The following KIF5C variants were observed in gnomAD, a reference collection of about 807,000 sequenced individuals.
KIF5C encodes the protein kinesin family member 5C, also known as kinesin heavy chain isoform 5C.
KIF5C carries 18 observed loss-of-function variants against 125.2 expected under a neutral mutation model. The ratio of observed to expected loss-of-function variants is 0.14; its 90% CI spans 0.10 to 0.21. The LOEUF is 0.21. KIF5C is among the 10% of genes least tolerant of loss of function. The pLI, the probability that KIF5C is intolerant of heterozygous loss-of-function variation, is 1.00. For synonymous variants in KIF5C, 405 were observed against 434.0 expected, an observed-to-expected ratio of 0.93 and a Z score of 0.83; for missense variants, 780 against 1,183.8, an observed-to-expected ratio of 0.66 and a Z score of 5.01.
At chr2:148,981,763 G>A (rs1205079794) in intron 14 of KIF5C, among the ~76,000 whole-genome samples, 5 of 152,002 alleles carry the variant, frequency 3.3e-5, no homozygotes, top group Admixed American at 2.6e-4. Flanking sequence ...TGCATATCAT[G>A]ACTGTTTTAT....
chr2:148,916,547 G>T (rs1012355734), intron 1 of KIF5C, among the ~76,000 whole-genome samples: 1 of 152,082 alleles, frequency 6.6e-6, no homozygotes, highest in African/African-American at 2.4e-5. Context: ...CATTGTGAAT[G>T]ACCGTCACTT....
At chr2:148,929,431 G>T in intron 3 of KIF5C, 77 bp downstream of exon 3, 1 of 894,702 alleles carries the variant, frequency 1.1e-6, no homozygotes, top group Admixed American at 2.2e-5. Flanking sequence ...AACTTGAGGT[G>T]CATGTGGCTT....
At chr2:148,943,319 T>A (rs1411652578) in intron 7 of KIF5C, among the ~76,000 whole-genome samples, 1 of 152,198 alleles carries the variant, frequency 6.6e-6, no homozygotes, top group African/African-American at 2.4e-5. Context: ...GCTCTGCAGT[T>A]CCTTCCTCAG....
intron 3 of KIF5C, among the ~76,000 whole-genome samples, chr2:148,931,326 T>G (rs1338236343): frequency 2.0e-5 from 3 of 152,116 alleles, no homozygotes; most frequent in Non-Finnish European, 1.5e-5. Flanking sequence ...TGCTCCCCAG[T>G]GTAAAATCTT....
chr2:148,976,469 C>G (rs1321395536), intron 12 of KIF5C, among the ~76,000 whole-genome samples: 2 of 151,420 alleles, frequency 1.3e-5, no homozygotes, highest in Non-Finnish European at 2.9e-5. Flanking sequence ...GGGGCTTCAC[C>G]ATCTTGGCCA....
chr2:149,004,739 T>C (rs1279716324), intron 21 of KIF5C, among the ~76,000 whole-genome samples: 1 of 152,218 alleles, frequency 6.6e-6, no homozygotes, highest in Non-Finnish European at 1.5e-5. Context: ...AAGAACATTA[T>C]AAGGTTCATC....
At position 148,875,575 on chromosome 2, in the gene KIF5C, G is replaced by GCCCCCCCCCCCCCCCCCTGGCCC; in HGVS notation, c.-37_-36insCCCCCCCCCCCTGGCCCCCCCCC. On this transcript the variant is annotated 5_prime_UTR_variant, in exon 1 of 26. Coordinates refer to ENST00000435030, the MANE Select transcript of KIF5C (RefSeq NM_004522.3). ...TCCTCCCTCGTCGTTCCCGGCCCCG[G>GCCCCCCCCCCCCCCCCCTGGCCC]CCCCCCACCCATCCCCGTGCCCCCT... 8 of 699,604 alleles carry GCCCCCCCCCCCCCCCCCTGGCCC rather than the reference G, an allele frequency of 1.1e-5. No individual in the cohort carries two copies. The highest frequency in any genetic ancestry group is 2.2e-5 in the Admixed American group (1 of 46,070). The allele number at this position is 699,604 out of a possible 1,614,324, so 43.3% of individuals were successfully genotyped here.
intron 1 of KIF5C, among the ~76,000 whole-genome samples, chr2:148,921,631 A>G (rs1353531906): frequency 6.6e-6 from 1 of 152,132 alleles, no homozygotes; most frequent in Non-Finnish European, 1.5e-5. Context: ...GTAAAGATAC[A>G]CTTAAGTGGT....
At chr2:149,008,233 T>G (rs935269436) in intron 23 of KIF5C, among the ~76,000 whole-genome samples, 166 bp downstream of exon 23, 1 of 152,212 alleles carries the variant, frequency 6.6e-6, no homozygotes, top group Non-Finnish European at 1.5e-5. Context: ...ATCCTTTAGT[T>G]CTCAGTGACT....
At chr2:148,966,286 T>C (rs1353502933) in intron 11 of KIF5C, among the ~76,000 whole-genome samples, 1 of 152,064 alleles carries the variant, frequency 6.6e-6, no homozygotes, top group African/African-American at 2.4e-5. Flanking sequence ...TTTAAGAGTT[T>C]GGCTGCTATA....
chr2:148,978,825 T>G, intron 12 of KIF5C, 97 bp from the exon 13 acceptor site: 2 of 1,432,618 alleles, frequency 1.4e-6, no homozygotes, highest in Non-Finnish European at 1.8e-6. Context: ...TCCTTCCTTC[T>G]TATCAGCAAG....
intron 15 of KIF5C, among the ~76,000 whole-genome samples, chr2:148,987,033 T>C (rs1042048533): frequency 2.0e-5 from 3 of 152,160 alleles, no homozygotes; most frequent in Non-Finnish European, 4.4e-5. Flanking sequence ...GCTTTATTTT[T>C]CATAATGGGT....
intron 18 of KIF5C, chr2:148,997,782 G>A (rs900631325): frequency 3.0e-5 from 5 of 168,176 alleles, no homozygotes; most frequent in African/African-American, 1.2e-4. Flanking sequence ...ACTTTTAGGT[G>A]AATAAAATGA....
Position 149,023,186 on chromosome 2 carries a change from C to T in KIF5C, c.*116C>T, listed in dbSNP as rs1682587671. The T allele has an allele frequency of 6.6e-6, 1 of 152,116 alleles. No homozygotes were observed. The highest frequency in any genetic ancestry group is 1.5e-5 in the Non-Finnish European group (1 of 68,028). 9.4% of individuals were successfully genotyped at this position (152,116 alleles called of 1,614,324 possible). On this transcript the variant is annotated 3_prime_UTR_variant, in exon 26 of 26. Transcript: ENST00000435030. ...TATACTTGCTTACTCCAGCCATCTGCAGTACACCAGTTTCAGGTCTTTTGA... is the reference window on the plus strand; with the variant it reads ...TATACTTGCTTACTCCAGCCATCTGTAGTACACCAGTTTCAGGTCTTTTGA...
At chr2:148,962,142 A>G (rs1682941994) in intron 11 of KIF5C, 23 bp downstream of exon 11, 1 of 1,583,270 alleles carries the variant, frequency 6.3e-7, no homozygotes, top group Admixed American at 1.9e-5. Flanking sequence ...AAGGAGGAAG[A>G]GTGAGGCATG....
intron 25 of KIF5C, among the ~76,000 whole-genome samples, chr2:149,019,524 T>G (rs1682468718): frequency 6.6e-6 from 1 of 152,190 alleles, no homozygotes; most frequent in Non-Finnish European, 1.5e-5. Flanking sequence ...GAATTCCTGA[T>G]TCCATCTACA....
At chr2:148,947,807 C>T (rs181954018) in intron 8 of KIF5C, 1 of 444,982 alleles carries the variant, frequency 2.2e-6, no homozygotes, top group African/African-American at 2.0e-5. Flanking sequence ...TGCACAATGC[C>T]CTCTGGCCTC....
chr2:148,968,451 G>T (rs1439261308), intron 11 of KIF5C, among the ~76,000 whole-genome samples: 3 of 152,252 alleles, frequency 2.0e-5, no homozygotes, highest in African/African-American at 4.8e-5. Context: ...GAAGATGCTG[G>T]CTCCCTTCTT....
chr2:149,000,936 C>T (rs1006502033), intron 21 of KIF5C, among the ~76,000 whole-genome samples, 154 bp downstream of exon 21: 2 of 152,132 alleles, frequency 1.3e-5, no homozygotes, highest in Non-Finnish European at 2.9e-5. Context: ...AGAATTTAGT[C>T]CTCAACTTTT....
Sources: gnomAD v4.1 joint callset for allele counts (sites outside exome capture counted in the v4.1 genomes callset) on GRCh38, gnomAD v4.1.1 for gene constraint, MANE v1.5 for transcripts, NCBI Gene and HGNC (gene_info 2026-07-23, HGNC 2026-07-21) for gene names.